The following BMP5 variants were observed in gnomAD, a reference collection of about 807,000 sequenced individuals.
BMP5 encodes bone morphogenetic protein 5.
BMP5 carries 23 observed loss-of-function variants against 46.6 expected under a neutral mutation model. The ratio of observed to expected loss-of-function variants is 0.49; its 90% CI spans 0.35 to 0.70. The LOEUF is 0.70. Among genes scored for constraint, BMP5 ranks in the 30% least tolerant of loss-of-function variants. The pLI is 0.00. For missense variants in BMP5, 545 were observed against 565.6 expected, an observed-to-expected ratio of 0.96 and a Z score of 0.37; for synonymous variants, 204 against 191.9, an observed-to-expected ratio of 1.06 and a Z score of -0.52.
At chr6:55,851,137 C>CTT (rs11340072) in intron 1 of BMP5, among the ~76,000 whole-genome samples, 1 of 140,574 alleles carries the variant, frequency 7.1e-6, no homozygotes, top group Non-Finnish European at 1.6e-5. Context: ...TTTTGTTTTG[C>CTT]TTTTTTTTTT....
intron 1 of BMP5, among the ~76,000 whole-genome samples, chr6:55,826,890 G>T (rs1022590362): frequency 6.6e-6 from 1 of 151,584 alleles, no homozygotes; most frequent in African/African-American, 2.4e-5. Flanking sequence ...ATAATATCTA[G>T]GTCTTATTAC....
At chr6:55,867,537 A>T (rs1047065183) in intron 1 of BMP5, among the ~76,000 whole-genome samples, 5 of 152,114 alleles carry the variant, frequency 3.3e-5, no homozygotes, top group Admixed American at 6.6e-5. Flanking sequence ...GCGGGAAGGG[A>T]TGAATGGGAC....
rs74734461 is a variant in BMP5 at position 55,820,380 on chromosome 6, T to A, written c.491-533A>T. Reference sequence around the variant, plus strand: ...TTCTAAAATGTCTTCCCCAGAAAATTTTTTCTCTTTTCAGCAAATAAAATA... The same window carrying A: ...TTCTAAAATGTCTTCCCCAGAAAATATTTTCTCTTTTCAGCAAATAAAATA... On this transcript the variant is annotated intron_variant, in intron 1 of 6. Transcript: ENST00000370830. Among the ~76,000 whole-genome samples, 902 of 152,198 alleles carry A rather than the reference T, an allele frequency of 5.9e-3. 11 individuals are homozygous for A. Among genetic ancestry groups the A allele is most frequent in the African/African-American group, 0.02 (845 of 41,510 alleles).
intron 4 of BMP5, among the ~76,000 whole-genome samples, chr6:55,764,704 G>A (rs1774879837): frequency 6.7e-6 from 1 of 149,786 alleles, no homozygotes; most frequent in Admixed American, 6.7e-5. Flanking sequence ...CCTGTTCTTA[G>A]TCATATGTGT....
chr6:55,797,246 T>C (rs1306744053), intron 2 of BMP5, among the ~76,000 whole-genome samples: 1 of 152,186 alleles, frequency 6.6e-6, no homozygotes, highest in East Asian at 1.9e-4. Context: ...ATTTCTCCAC[T>C]AAAATATGGC....
intron 2 of BMP5, among the ~76,000 whole-genome samples, chr6:55,817,306 T>A (rs1239859960): frequency 1.3e-5 from 2 of 152,200 alleles, no homozygotes; most frequent in Non-Finnish European, 2.9e-5. Flanking sequence ...CACATGTATG[T>A]TTATTGCAGC....
intron 1 of BMP5, among the ~76,000 whole-genome samples, chr6:55,860,907 T>A (rs1203299689): frequency 6.6e-6 from 1 of 152,200 alleles, no homozygotes; most frequent in Non-Finnish European, 1.5e-5. Flanking sequence ...TCCTTACCCT[T>A]TAATTCATAA....
At position 55,754,939 on chromosome 6, in the gene BMP5, C is replaced by G. The variant is rs1037551013; in HGVS notation, c.*594G>C. The G allele has an allele frequency of 1.3e-5, 2 of 152,116 alleles. No homozygotes were observed. The highest frequency in any genetic ancestry group is 2.9e-5 in the Non-Finnish European group (2 of 68,078). 9.4% of individuals were successfully genotyped at this position (152,116 alleles called of 1,614,324 possible). A position where few individuals can be genotyped will look rare whatever the true frequency, so the allele number is the denominator to read the frequency against. On this transcript the variant is annotated 3_prime_UTR_variant, in exon 7 of 7. Coordinates refer to ENST00000370830, the MANE Select transcript of BMP5 (RefSeq NM_021073.4). ...GTTACACCACTTCTGTTAAAGCAAA[C>G]AGTTAAAACAATTCTGTGCAATCTT...
chr6:55,812,453 T>C (rs1260153268), intron 2 of BMP5, among the ~76,000 whole-genome samples: 1 of 152,222 alleles, frequency 6.6e-6, no homozygotes, highest in Non-Finnish European at 1.5e-5. Flanking sequence ...GATTAGATGG[T>C]TAATAGGTCA....
At chr6:55,762,446 A>C (rs1030611613) in intron 4 of BMP5, among the ~76,000 whole-genome samples, 2 of 152,114 alleles carry the variant, frequency 1.3e-5, no homozygotes, top group Non-Finnish European at 2.9e-5. Flanking sequence ...TTTTGAAATC[A>C]AGGTATTTTT....
chr6:55,864,220 T>A (rs1459668189), intron 1 of BMP5, among the ~76,000 whole-genome samples: 2 of 152,190 alleles, frequency 1.3e-5, no homozygotes, highest in Admixed American at 1.3e-4. Flanking sequence ...ATTAAAAATC[T>A]AGCAGTAATT....
chr6:55,774,753 C>A lies in BMP5; in HGVS notation c.833-510G>T, dbSNP rs544332208. Among the ~76,000 whole-genome samples the A allele has an allele frequency of 4.7e-4, 72 of 152,040 alleles. 4 individuals carry two copies. The South Asian group carries it at 0.014, about 30-fold the overall frequency. On this transcript the variant is annotated intron_variant, in intron 3 of 6. Transcript: ENST00000370830. ...TCACTTCTGGCCAGTGCCCAGCAAC[C>A]TTTACTAAGCTGCACTACACTTAAA...
At chr6:55,781,326 C>A (rs1217225675) in intron 3 of BMP5, among the ~76,000 whole-genome samples, 1 of 152,080 alleles carries the variant, frequency 6.6e-6, no homozygotes, top group Admixed American at 6.6e-5. Flanking sequence ...ATGAAAGAAT[C>A]TTTTCCTTCA....
chr6:55,814,615 A>G (rs1395819977), intron 2 of BMP5, among the ~76,000 whole-genome samples: 1 of 152,188 alleles, frequency 6.6e-6, no homozygotes. Context: ...ATATTCTATA[A>G]GACATATCGC....
At chr6:55,863,391 T>G (rs1777568108) in intron 1 of BMP5, among the ~76,000 whole-genome samples, 1 of 152,186 alleles carries the variant, frequency 6.6e-6, no homozygotes, top group Non-Finnish European at 1.5e-5. Flanking sequence ...CCAGTAATGA[T>G]TCTGCCATTC....
intron 1 of BMP5, among the ~76,000 whole-genome samples, chr6:55,850,028 G>A (rs1314556688): frequency 6.6e-6 from 1 of 151,806 alleles, no homozygotes; most frequent in Non-Finnish European, 1.5e-5. Flanking sequence ...GGTCTATCAG[G>A]GCCATACTTT....
At chr6:55,827,545 T>A (rs1776562009) in intron 1 of BMP5, among the ~76,000 whole-genome samples, 1 of 151,810 alleles carries the variant, frequency 6.6e-6, no homozygotes, top group Non-Finnish European at 1.5e-5. Flanking sequence ...ATTTACTGGT[T>A]CTTACAAATT....
At chr6:55,865,234 A>G (rs1026221648) in intron 1 of BMP5, among the ~76,000 whole-genome samples, 2 of 151,794 alleles carry the variant, frequency 1.3e-5, no homozygotes, top group African/African-American at 2.4e-5. Context: ...TTTTTTTTAC[A>G]TTCTTTCAAA....
intron 1 of BMP5, among the ~76,000 whole-genome samples, chr6:55,868,612 A>G (rs2127555910): frequency 6.6e-6 from 1 of 152,226 alleles, no homozygotes; most frequent in South Asian, 2.1e-4. Context: ...ACATTTTCAT[A>G]GATTTTGTTT....
Sources: allele counts gnomAD v4.1 joint callset (sites outside exome capture counted in the v4.1 genomes callset), GRCh38; gene constraint gnomAD v4.1.1; transcripts MANE v1.5; gene names NCBI Gene and HGNC (gene_info 2026-07-23, HGNC 2026-07-21).